Variants in DNAJC12 observed in about 807,000 individuals in gnomAD.
DNAJC12 encodes dnaJ homolog subfamily C member 12.
DNAJC12 carries 25 observed loss-of-function variants against 28.5 expected under a neutral mutation model. The ratio of observed to expected loss-of-function variants is 0.88; its 90% confidence interval spans 0.64 to 1.22. The LOEUF is 1.22. Among genes scored for constraint, DNAJC12 ranks in the 50% most tolerant of loss-of-function variants. The probability of loss-of-function intolerance (pLI) is 0.00; values close to 1 mark genes in which losing one functional copy is unlikely to be tolerated. For synonymous variants in DNAJC12, 77 were observed against 80.6 expected, an observed-to-expected ratio of 0.95 and a Z score of 0.24; for missense variants, 222 against 231.7, an observed-to-expected ratio of 0.96 and a Z score of 0.27.
intron 4 of DNAJC12, among the ~76,000 whole-genome samples, chr10:67,800,643 G>A (rs1841733395): frequency 6.6e-6 from 1 of 152,166 alleles, no homozygotes; most frequent in African/African-American, 2.4e-5. Flanking sequence ...CAAAATCATT[G>A]CGTACATTTA....
chr10:67,812,298 C>T (rs918699379), intron 2 of DNAJC12, among the ~76,000 whole-genome samples: 19 of 152,090 alleles, frequency 1.2e-4, no homozygotes, highest in African/African-American at 2.4e-4. Flanking sequence ...GTAGAGTAGA[C>T]AGACAATAGC....
intron 1 of DNAJC12, among the ~76,000 whole-genome samples, chr10:67,824,033 C>T (rs1224213209): frequency 2.0e-5 from 3 of 151,842 alleles, no homozygotes; most frequent in African/African-American, 7.3e-5. Context: ...GTTAGGAGTT[C>T]GAGGCCAGCC....
chr10:67,810,055 A>C (rs988113117), intron 3 of DNAJC12, among the ~76,000 whole-genome samples: 9 of 152,196 alleles, frequency 5.9e-5, no homozygotes, highest in African/African-American at 1.9e-4. Flanking sequence ...ATTGACTCAC[A>C]GTTCCTCAGG....
At chr10:67,801,829 CTTCATTCTTTTTTTTTTTTTTTTTTTTT>C (rs1254756614) in intron 4 of DNAJC12, among the ~76,000 whole-genome samples, 10 of 112,326 alleles carry the variant, frequency 8.9e-5, no homozygotes, top group African/African-American at 3.1e-4. Flanking sequence ...ATCCCCTCCA[CTTCATTCTTTTTTTTTTTTTTTTTTTTT>C]TTTTTTTTTT....
intron 2 of DNAJC12, among the ~76,000 whole-genome samples, chr10:67,816,543 CTTTTT>C (rs367769639): frequency 5.7e-5 from 5 of 88,256 alleles, no homozygotes; most frequent in African/African-American, 1.4e-4. Context: ...AGTTTACTTT[CTTTTT>C]TTTTTTTTTT....
At chr10:67,816,261 G>GA (rs1841914977) in intron 2 of DNAJC12, 1 of 390,602 alleles carries the variant, frequency 2.6e-6, no homozygotes. Context: ...AATATGCTTT[G>GA]AAAAAATCTG....
At chr10:67,817,994 G>A (rs1050031204) in intron 2 of DNAJC12, among the ~76,000 whole-genome samples, 14 of 152,200 alleles carry the variant, frequency 9.2e-5, no homozygotes, top group African/African-American at 2.4e-4. Flanking sequence ...CTTGAGTCCA[G>A]GAGTTTGAGA....
chr10:67,805,668 C>T lies in DNAJC12; in HGVS notation c.417G>A (p.Glu139=), dbSNP rs915420746. ...CCGTTTTCTCTGCGGTTGAAGCCAG[C>T]TCCTCTTTCTTTCTTTCTCTTTGCT... ...CNEQRERKKE[E]LASTAEKTEQ... The change falls in exon 4 of 5, where the codon GAG becomes GAA. Residue 139 remains glutamate, a synonymous_variant. Transcript: ENST00000225171. 6.2e-7 allele frequency: 1 copy of T among 1,613,706 alleles called. No homozygotes were observed. The highest frequency in any genetic ancestry group is 1.3e-5 in the African/African-American group (1 of 74,898).
rs1260325040 is a variant in DNAJC12 at position 67,819,694 on chromosome 10, GAAAGGAAGGAAGGAAGGAAGGAAGC to G, written c.157+3595_157+3619del. Among the ~76,000 whole-genome samples the G allele has an allele frequency of 3.8e-3, 72 of 18,712 alleles. 8 individuals are homozygous for G. Among genetic ancestry groups the G allele is most frequent in the East Asian group, 0.014 (15 of 1,102 alleles). 12.3% of individuals were successfully genotyped at this position (18,712 alleles called of 152,430 possible). A position where few individuals can be genotyped will look rare whatever the true frequency, so the allele number is the denominator to read the frequency against. ...AGAAAGAAAGAAAGAAAGAAAGAAA[GAAAGGAAGGAAGGAAGGAAGGAAGC>G]AAGGAAGGAAGGAAGGAAGGAAGGA... On this transcript the variant is annotated intron_variant, in intron 2 of 4. Coordinates refer to ENST00000225171, the MANE Select transcript of DNAJC12 (RefSeq NM_021800.3).
chr10:67,826,590 GAT>G (rs1297838206), intron 1 of DNAJC12, among the ~76,000 whole-genome samples: 5 of 125,138 alleles, frequency 4.0e-5, no homozygotes, highest in African/African-American at 1.5e-4. Flanking sequence ...ATCATCTAAT[GAT>G]ATATATAAGA....
chr10:67,835,398 A>G (rs1842132393), intron 1 of DNAJC12, among the ~76,000 whole-genome samples: 1 of 152,150 alleles, frequency 6.6e-6, no homozygotes, highest in Non-Finnish European at 1.5e-5. Context: ...ATACCTATAA[A>G]AAGAAGAGAA....
chr10:67,814,036 C>CAAA (rs34125048), intron 2 of DNAJC12, among the ~76,000 whole-genome samples: 13 of 123,154 alleles, frequency 1.1e-4, no homozygotes, highest in South Asian at 2.6e-4. Context: ...CCAGAATTGC[C>CAAA]AAAAAAAAAA....
chr10:67,820,900 C>T (rs1841975434), intron 2 of DNAJC12, among the ~76,000 whole-genome samples: 1 of 149,688 alleles, frequency 6.7e-6, no homozygotes, highest in African/African-American at 2.4e-5. Context: ...TCTCCTGCCT[C>T]AGCCTCCCAA....
intron 4 of DNAJC12, among the ~76,000 whole-genome samples, chr10:67,801,293 T>G (rs1209649663): frequency 6.6e-6 from 1 of 152,200 alleles, no homozygotes. Flanking sequence ...AGGAATAATA[T>G]TTCTTAAATG....
intron 3 of DNAJC12, among the ~76,000 whole-genome samples, chr10:67,810,644 C>T (rs938348376): frequency 1.3e-5 from 2 of 152,184 alleles, no homozygotes; most frequent in African/African-American, 4.8e-5. Context: ...GGTGCGATGG[C>T]TCATGCCTGC....
At chr10:67,826,997 G>T (rs1480285376) in intron 1 of DNAJC12, among the ~76,000 whole-genome samples, 1 of 144,062 alleles carries the variant, frequency 6.9e-6, no homozygotes, top group African/African-American at 2.6e-5. Context: ...ATCTCTTAGG[G>T]CTTTTAAATA....
intron 4 of DNAJC12, among the ~76,000 whole-genome samples, chr10:67,803,794 G>A (rs1297517521): frequency 6.6e-6 from 1 of 152,220 alleles, no homozygotes; most frequent in East Asian, 1.9e-4. Flanking sequence ...TTAAAACACT[G>A]TTTTTCTACA....
intron 2 of DNAJC12, among the ~76,000 whole-genome samples, chr10:67,815,508 CAAAAAA>C (rs762037586): frequency 1.3e-3 from 85 of 65,772 alleles, no homozygotes; most frequent in African/African-American, 3.8e-3. Context: ...TACTTCGTCT[CAAAAAA>C]AAAAAAAAAA....
chr10:67,826,127 A>C (rs1842026723), intron 1 of DNAJC12, among the ~76,000 whole-genome samples: 1 of 131,720 alleles, frequency 7.6e-6, no homozygotes, highest in Non-Finnish European at 1.6e-5. Context: ...CCTTGAAGAC[A>C]TATCTTTTTT....
Sources: allele counts gnomAD v4.1 joint callset (sites outside exome capture counted in the v4.1 genomes callset), GRCh38; gene constraint gnomAD v4.1.1; transcripts MANE v1.5; gene names NCBI Gene and HGNC (gene_info 2026-07-23, HGNC 2026-07-21).